EPB41L3: variants seen among roughly 807,000 people sequenced by gnomAD.
EPB41L3 encodes band 4.1-like protein 3.
EPB41L3 carries 57 observed loss-of-function variants against 127.1 expected under a neutral mutation model. The observed-to-expected ratio is 0.45, with a 90% confidence interval of 0.36 to 0.56. The LOEUF is 0.56. EPB41L3 is among the 20% of genes least tolerant of loss of function. The pLI, the probability that EPB41L3 is intolerant of heterozygous loss-of-function variation, is 0.00. For synonymous variants in EPB41L3, 572 were observed against 549.5 expected, an observed-to-expected ratio of 1.04 and a Z score of -0.57; for missense variants, 1,273 against 1,372.2, an observed-to-expected ratio of 0.93 and a Z score of 1.14.
chr18:5,526,275 C>A (rs1193578654), intron 1 of EPB41L3, among the ~76,000 whole-genome samples: 1 of 152,178 alleles, frequency 6.6e-6, no homozygotes, highest in Non-Finnish European at 1.5e-5. Context: ...CTTGGTCAAA[C>A]TTAATTCACG....
At chr18:5,417,123 A>T (rs894715893) in intron 12 of EPB41L3, among the ~76,000 whole-genome samples, 1 of 152,202 alleles carries the variant, frequency 6.6e-6, no homozygotes, top group Non-Finnish European at 1.5e-5. Context: ...TAGCAAAAAC[A>T]ATGTGTTTTC....
intron 3 of EPB41L3, among the ~76,000 whole-genome samples, chr18:5,460,025 T>C (rs1049746344): frequency 6.6e-6 from 1 of 152,230 alleles, no homozygotes; most frequent in Non-Finnish European, 1.5e-5. Context: ...TAGTATCCAA[T>C]AGGTCATTTT....
chr18:5,604,299 C>A (rs973556953), intron 3 of EPB41L3, among the ~76,000 whole-genome samples: 1 of 151,808 alleles, frequency 6.6e-6, no homozygotes, highest in Admixed American at 6.6e-5. Context: ...GTGCTGTCCC[C>A]TTTTTGGGCA....
intron 1 of EPB41L3, among the ~76,000 whole-genome samples, chr18:5,626,351 T>C (rs1039178243): frequency 6.6e-6 from 1 of 152,250 alleles, no homozygotes; most frequent in African/African-American, 2.4e-5. Flanking sequence ...ATCTGGTGGC[T>C]ACTTTGAGTA....
chr18:5,538,356 A>G (rs914648775), intron 1 of EPB41L3, among the ~76,000 whole-genome samples: 1 of 152,170 alleles, frequency 6.6e-6, no homozygotes, highest in African/African-American at 2.4e-5. Context: ...CTAACATCCA[A>G]TGTCCAATTT....
At chr18:5,506,531 C>CGTTTCCT (rs2092217512) in intron 1 of EPB41L3, among the ~76,000 whole-genome samples, 2 of 152,180 alleles carry the variant, frequency 1.3e-5, no homozygotes, top group Admixed American at 1.3e-4. Flanking sequence ...GCTCTGTCCC[C>CGTTTCCT]GTTTCCTGCC....
At chr18:5,412,019 G>A (rs28670926) in intron 13 of EPB41L3, among the ~76,000 whole-genome samples, 13,090 of 152,186 alleles carry the variant, frequency 0.086, 1,171 homozygotes, top group African/African-American at 0.23. Context: ...ACTGGGGGCA[G>A]GAGGTGGCTG....
intron 3 of EPB41L3, among the ~76,000 whole-genome samples, chr18:5,455,555 T>G (rs938991913): frequency 6.6e-6 from 1 of 152,056 alleles, no homozygotes; most frequent in African/African-American, 2.4e-5. Flanking sequence ...CGCAAACACT[T>G]CAAGTACATA....
rs137944184 is a variant in EPB41L3 at position 5,432,070 on chromosome 18, T to C, written c.912+1399A>G. Among the ~76,000 whole-genome samples the C allele has an allele frequency of 3.8e-3, 586 of 152,312 alleles. 7 individuals are homozygous for C. Among genetic ancestry groups the C allele is most frequent in the African/African-American group, 0.013 (557 of 41,568 alleles). On this transcript the variant is annotated intron_variant, in intron 8 of 22. Coordinates refer to ENST00000341928, the MANE Select transcript of EPB41L3 (RefSeq NM_012307.5). ...TGCTCAGGCCTTGGAGAGCTCATCC[T>C]GCATGACGTGCAGAGTGATCCGCGG...
chr18:5,557,384 GTTTTGT>G (rs1185842641), intron 3 of EPB41L3, among the ~76,000 whole-genome samples: 1 of 151,632 alleles, frequency 6.6e-6, no homozygotes, highest in African/African-American at 2.4e-5. Context: ...TTGTTTTTTT[GTTTTGT>G]TTTTGTTTTT....
chr18:5,561,053 C>G (rs954809112), intron 3 of EPB41L3, among the ~76,000 whole-genome samples: 2 of 147,372 alleles, frequency 1.4e-5, no homozygotes, highest in African/African-American at 5.0e-5. Flanking sequence ...TCGCGGCTCA[C>G]TGCAAGCTCC....
chr18:5,519,932 C>T (rs1227355213), intron 1 of EPB41L3, among the ~76,000 whole-genome samples: 3 of 152,160 alleles, frequency 2.0e-5, no homozygotes, highest in African/African-American at 7.2e-5. Flanking sequence ...GCTAGGACAA[C>T]TCAAACCTAA....
intron 1 of EPB41L3, among the ~76,000 whole-genome samples, chr18:5,541,010 G>A (rs909012480): frequency 6.7e-6 from 1 of 149,762 alleles, no homozygotes; most frequent in African/African-American, 2.5e-5. Context: ...GCGTGAACCC[G>A]GGAGGCGGAG....
chr18:5,519,598 C>T (rs2092903656), intron 1 of EPB41L3, among the ~76,000 whole-genome samples: 1 of 152,124 alleles, frequency 6.6e-6, no homozygotes, highest in African/African-American at 2.4e-5. Flanking sequence ...CCCAGGAGTC[C>T]CTAAGGGGCA....
At chr18:5,560,782 G>A (rs557450094) in intron 3 of EPB41L3, among the ~76,000 whole-genome samples, 18 of 152,044 alleles carry the variant, frequency 1.2e-4, no homozygotes, top group African/African-American at 4.3e-4. Context: ...TATTTTGGGG[G>A]GTGGGGAGAA....
chr18:5,399,585 C>T (rs1183488321), intron 16 of EPB41L3: 8 of 387,998 alleles, frequency 2.1e-5, no homozygotes, highest in Middle Eastern at 6.4e-4. Context: ...GCTCAGAATA[C>T]ATTCGGTAGG....
chr18:5,407,737 C>T lies in EPB41L3; in HGVS notation c.2122-1G>A, dbSNP rs1424239355. Reference sequence around the variant, plus strand: ...GCTCTGCATCTTCCTCCTGGTCCGACTGCCAGCATCAAGAAAGAGTGGGAA... The same window carrying T: ...GCTCTGCATCTTCCTCCTGGTCCGATTGCCAGCATCAAGAAAGAGTGGGAA... On this transcript the variant is annotated splice_acceptor_variant, in intron 14 of 22. Transcript: ENST00000341928. LOFTEE classifies it high-confidence loss of function. 6.2e-7 allele frequency: 1 copy of T among 1,613,988 alleles called. No homozygotes were observed. Among genetic ancestry groups the T allele is most frequent in the Non-Finnish European group, 8.5e-7 (1 of 1,179,920 alleles).
chr18:5,584,773 C>G (rs915513282), intron 3 of EPB41L3, among the ~76,000 whole-genome samples: 7 of 152,198 alleles, frequency 4.6e-5, no homozygotes, highest in African/African-American at 1.7e-4. Flanking sequence ...AAATAACTTA[C>G]AACCATCAAT....
At chr18:5,621,865 T>C (rs2094866642) in intron 1 of EPB41L3, among the ~76,000 whole-genome samples, 1 of 152,224 alleles carries the variant, frequency 6.6e-6, no homozygotes, top group African/African-American at 2.4e-5. Flanking sequence ...AAAGTATAAA[T>C]TAATTTCTCA....
Sources: allele counts gnomAD v4.1 joint callset (sites outside exome capture counted in the v4.1 genomes callset), GRCh38; gene constraint gnomAD v4.1.1; transcripts MANE v1.5; gene names NCBI Gene and HGNC (gene_info 2026-07-23, HGNC 2026-07-21).